RASGEF1C: variants seen among roughly 807,000 people sequenced by gnomAD.
The protein encoded by RASGEF1C is RasGEF domain family member 1C.
A neutral mutation model predicts 58.1 loss-of-function variants in RASGEF1C; 27 were observed. The observed-to-expected ratio is 0.46, with a 90% confidence interval of 0.34 to 0.64. The LOEUF (loss-of-function observed/expected upper bound fraction) is 0.64. RASGEF1C is among the 30% of genes least tolerant of loss of function. RASGEF1C has a pLI of 0.01. For synonymous variants in RASGEF1C, 243 were observed against 246.3 expected (o/e 0.99, Z 0.13); for missense variants, 502 against 605.1 (o/e 0.83, Z 1.79).
intron 12 of RASGEF1C, among the ~76,000 whole-genome samples, chr5:180,103,515 A>G (rs939424553): frequency 5.3e-5 from 8 of 152,216 alleles, no homozygotes; most frequent in African/African-American, 1.9e-4. Flanking sequence ...ACGTAGAAAC[A>G]TGGTTGATTT....
intron 1 of RASGEF1C, among the ~76,000 whole-genome samples, chr5:180,173,873 A>G (rs180720247): frequency 2.0e-5 from 3 of 150,392 alleles, no homozygotes; most frequent in South Asian, 4.2e-4. Context: ...AGATTGTGCC[A>G]CTGCACTCCA....
At chr5:180,104,183 G>T (rs927343098) in intron 12 of RASGEF1C, among the ~76,000 whole-genome samples, 1 of 152,100 alleles carries the variant, frequency 6.6e-6, no homozygotes, top group Non-Finnish European at 1.5e-5. Flanking sequence ...TGGTGCCAGG[G>T]TTTGAATGTT....
Position 180,155,371 on chromosome 5 carries a change from G to A in RASGEF1C, c.-6-17313C>T, listed in dbSNP as rs891013778. ...CCTGCTCCCTGATGTCTGAAGGGAC[G>A]CTGTGGGGGAACTGCAGCCTCCCTA... On this transcript the variant is annotated intron_variant, in intron 1 of 13. Transcript: ENST00000361132. This position sits in a 1 kb window ranked among gnomAD's most constrained non-coding sequence, Gnocchi z 5.2. 1.3e-5 allele frequency among the ~76,000 whole-genome samples: 2 copies of A among 152,152 alleles called. No homozygotes were observed. The highest frequency in any genetic ancestry group is 2.1e-4 in the South Asian group (1 of 4,828).
Position 180,111,460 on chromosome 5 carries a change from C to T in RASGEF1C, c.1300G>A (p.Asp434Asn). 1.2e-6 allele frequency: 2 copies of T among 1,614,224 alleles called. No homozygotes were observed. The highest frequency in any genetic ancestry group is 1.7e-6 in the Non-Finnish European group (2 of 1,180,032). Residue 434 changes from aspartate to asparagine, a missense_variant, in exon 12 of 14, where the codon GAT becomes AAT. Asp to Asn is a conservative substitution (Grantham distance 23). Transcript: ENST00000361132. ...GAGGGCTGCAGGGCTACCTTACCAT[C>T]CTCACTGAAGATGGGGGCGGTGTAC... The part of the protein sequence containing the change: ...YLYTAPIFSE[D>N]GLYLASYESE...
Position 180,190,489 on chromosome 5 carries a change from CAA to C in RASGEF1C, c.-7+18537_-7+18538del, listed in dbSNP as rs869186264. 3.6e-3 allele frequency among the ~76,000 whole-genome samples: 280 copies of C among 77,580 alleles called. 2 individuals are homozygous for C. The highest frequency in any genetic ancestry group is 7.3e-3 in the African/African-American group (158 of 21,786). 50.9% of individuals were successfully genotyped at this position (77,580 alleles called of 152,430 possible). A position where few individuals can be genotyped will look rare whatever the true frequency, so the allele number is the denominator to read the frequency against. On this transcript the variant is annotated intron_variant, in intron 1 of 13. Transcript: ENST00000361132. ...TGGGTGACAGAGTGAGACTCCGTCT[CAA>C]AAAAAAAAAAAAAAAAATAATAATA...
intron 11 of RASGEF1C, among the ~76,000 whole-genome samples, chr5:180,112,063 C>T (rs749756851): frequency 1.3e-5 from 2 of 152,182 alleles, no homozygotes; most frequent in Non-Finnish European, 2.9e-5. Flanking sequence ...CTTCTGCTTG[C>T]TCCCCAAAGC....
At position 180,127,276 on chromosome 5, in the gene RASGEF1C, C is replaced by A. The variant is rs1219854217; in HGVS notation, c.714+333G>T. Among the ~76,000 whole-genome samples, 7 of 152,296 alleles carry A rather than the reference C, an allele frequency of 4.6e-5. No individual in the cohort carries two copies. In the South Asian group the frequency reaches 1.0e-3, roughly 23 times the overall value. ...GGAAGGCGCACGGGGTCCCGGAGCG[C>A]GCCAGGGGGCCCTCCACCCTCCTCC... On this transcript the variant is annotated intron_variant, in intron 6 of 13. Transcript: ENST00000361132.
At chr5:180,149,338 A>G (rs1194980374) in intron 1 of RASGEF1C, among the ~76,000 whole-genome samples, 4 of 149,490 alleles carry the variant, frequency 2.7e-5, no homozygotes, top group East Asian at 2.0e-4. Context: ...TGCCCACCTC[A>G]GCCTCCCAAA....
In RASGEF1C at chr5:180,136,533, G is replaced by A. The variant is rs1174720865; in HGVS notation, c.301-18C>T. 6.4e-7 allele frequency: 1 copy of A among 1,565,236 alleles called. No individual in the cohort carries two copies. The highest frequency in any genetic ancestry group is 8.7e-7 in the Non-Finnish European group (1 of 1,154,270). On this transcript the variant is annotated intron_variant, in intron 3 of 13. Transcript: ENST00000361132. ...ACCCGGGCCTACGGGCAAGCGAGGG[G>A]CACCGCGCTCGTGAGGGGCGCCGGG...
chr5:180,161,904 C>T (rs528626845), intron 1 of RASGEF1C, among the ~76,000 whole-genome samples: 4 of 152,350 alleles, frequency 2.6e-5, no homozygotes, highest in Admixed American at 6.5e-5. Context: ...TCTGCCTCCC[C>T]GCAAGGCCAG....
intron 12 of RASGEF1C, among the ~76,000 whole-genome samples, chr5:180,105,398 T>C (rs1337549029): frequency 6.6e-6 from 1 of 151,182 alleles, no homozygotes; most frequent in African/African-American, 2.4e-5. Flanking sequence ...CCGTCTCTAC[T>C]AAAAATACAA....
Position 180,118,826 on chromosome 5 carries a change from G to C in RASGEF1C, c.948C>G (p.Thr316=). The C allele has an allele frequency of 6.2e-7, 1 of 1,614,232 alleles. No individual in the cohort carries two copies. Among genetic ancestry groups the C allele is most frequent in the Non-Finnish European group, 8.5e-7 (1 of 1,180,038 alleles). The change falls in exon 9 of 14, where the codon ACC becomes ACG. Residue 316 remains threonine, a synonymous_variant. Coordinates refer to ENST00000361132, the MANE Select transcript of RASGEF1C (RefSeq NM_175062.4). The stretch of plus-strand genomic sequence containing the variant: ...ACTTGGCCGTCCTCACTTTGGCCCA[G>C]GTCTTCTTCAGCCTGGAGACAGGGC... The part of the protein sequence containing the change: ...NMSPVSRLKK[T]WAKVRTAKFF...
At chr5:180,103,131 G>A (rs546452322) in intron 12 of RASGEF1C, among the ~76,000 whole-genome samples, 4 of 152,296 alleles carry the variant, frequency 2.6e-5, no homozygotes, top group African/African-American at 4.8e-5. Flanking sequence ...AGGCTGGAGT[G>A]CAGTGGCGCG....
intron 1 of RASGEF1C, among the ~76,000 whole-genome samples, chr5:180,163,252 TCCAG>T (rs1561747786): frequency 3.8e-4 from 31 of 80,908 alleles, no homozygotes; most frequent in Non-Finnish European, 5.1e-4. Flanking sequence ...TTTTTTTTTT[TCCAG>T]CCTATTGCAC....
chr5:180,179,810 T>C (rs1767294645), intron 1 of RASGEF1C, among the ~76,000 whole-genome samples: 2 of 152,226 alleles, frequency 1.3e-5, no homozygotes, highest in African/African-American at 4.8e-5. Context: ...TACATCTCCG[T>C]GTACCCAGAG....
chr5:180,174,517 TAC>T (rs1767182920), intron 1 of RASGEF1C, among the ~76,000 whole-genome samples: 1 of 148,588 alleles, frequency 6.7e-6, no homozygotes, highest in African/African-American at 2.5e-5. Flanking sequence ...TGCGTGCGCG[TAC>T]ACACGTGTGT....
At chr5:180,189,676 C>T (rs950730672) in intron 1 of RASGEF1C, among the ~76,000 whole-genome samples, 1 of 152,134 alleles carries the variant, frequency 6.6e-6, no homozygotes, top group Non-Finnish European at 1.5e-5. Flanking sequence ...AATCCCAGCA[C>T]TTTGGGAGGC....
At chr5:180,139,343 T>C (rs1172990586) in intron 1 of RASGEF1C, among the ~76,000 whole-genome samples, 1 of 152,248 alleles carries the variant, frequency 6.6e-6, no homozygotes, top group African/African-American at 2.4e-5. Flanking sequence ...GAGGCTCCCC[T>C]GCTCATGCCG....
At position 180,160,528 on chromosome 5, in the gene RASGEF1C, C is replaced by G. The variant is rs573107634; in HGVS notation, c.-6-22470G>C. On this transcript the variant is annotated intron_variant, in intron 1 of 13. Transcript: ENST00000361132. Reference sequence around the variant, plus strand: ...CCAAGGCAAAGCCCCCCGAACTGCACGCACCCATTTCTATCCTAATGCCCA... The same window carrying G: ...CCAAGGCAAAGCCCCCCGAACTGCAGGCACCCATTTCTATCCTAATGCCCA... Among the ~76,000 whole-genome samples the G allele has an allele frequency of 2.2e-4, 34 of 152,336 alleles. No individual in the cohort carries two copies. The South Asian group carries it at 6.8e-3, about 31-fold the overall frequency.
Sources: gnomAD v4.1 joint callset for allele counts (sites outside exome capture counted in the v4.1 genomes callset) on GRCh38, gnomAD v4.1.1 for gene constraint, Gnocchi (gnomAD v3.1) non-coding constraint, MANE v1.5 for transcripts, NCBI Gene and HGNC (gene_info 2026-07-23, HGNC 2026-07-21) for gene names.